Variants in IPO11 observed in about 807,000 individuals in gnomAD.
The protein encoded by IPO11 is importin 11, also known as importin-11.
Under a neutral mutation model 143.2 loss-of-function variants are expected in IPO11, and 66 were observed. The observed-to-expected ratio is 0.46, with a 90% confidence interval of 0.38 to 0.57. The LOEUF (loss-of-function observed/expected upper bound fraction) is 0.57. IPO11 is among the 20% of genes least tolerant of loss of function. The pLI, the probability that IPO11 is intolerant of heterozygous loss-of-function variation, is 0.00. For missense variants in IPO11, 1,026 were observed against 1,141.0 expected (o/e 0.90, Z 1.45); for synonymous variants, 385 against 377.8 (o/e 1.02, Z -0.22).
chr5:62,580,700 C>G (rs1196483988), intron 27 of IPO11: 1 of 1,551,418 alleles, frequency 6.4e-7, no homozygotes, highest in Non-Finnish European at 8.7e-7. Flanking sequence ...GTAAAATCTC[C>G]TCATATTCAT....
chr5:62,568,574 CAAA>C (rs66748975), intron 27 of IPO11, among the ~76,000 whole-genome samples: 3 of 51,896 alleles, frequency 5.8e-5, no homozygotes, highest in African/African-American at 1.8e-4. Flanking sequence ...ACTCTGTCTC[CAAA>C]AAAAAAAAAA....
intron 20 of IPO11, among the ~76,000 whole-genome samples, chr5:62,525,052 C>CTCT (rs1484091421): frequency 1.3e-5 from 2 of 152,178 alleles, no homozygotes; most frequent in African/African-American, 4.8e-5. Flanking sequence ...ATCGAAACTT[C>CTCT]TCTTCTTCTT....
intron 1 of IPO11, among the ~76,000 whole-genome samples, chr5:62,416,715 C>CTTTT (rs11295932): frequency 2.8e-5 from 4 of 144,136 alleles, no homozygotes; most frequent in Non-Finnish European, 4.5e-5. Flanking sequence ...CTCTTATTAT[C>CTTTT]TTTTTTTTTT....
intron 19 of IPO11, 143 bp downstream of exon 19, chr5:62,506,500 A>G (rs1161997425): frequency 5.7e-5 from 29 of 507,848 alleles, no homozygotes. Context: ...TCAGTTATGT[A>G]TTATTCAAAA....
At chr5:62,488,475 G>A (rs886322679) in intron 13 of IPO11, among the ~76,000 whole-genome samples, 6 of 152,312 alleles carry the variant, frequency 3.9e-5, no homozygotes, top group African/African-American at 1.4e-4. Context: ...AAGGAAAAGT[G>A]ATCAAAGATG....
rs1026177737 is a variant in IPO11, at chr5:62,530,915, G to A, written c.2089+130G>A. The A allele has an allele frequency of 8.9e-6, 6 of 670,874 alleles. No individual in the cohort carries two copies. In the African/African-American group the frequency reaches 1.1e-4, roughly 12 times the overall value. The allele number at this position is 670,874 out of a possible 1,614,324, so 41.6% of individuals were successfully genotyped here. A position where few individuals can be genotyped will look rare whatever the true frequency, so the allele number is the denominator to read the frequency against. ...TCTAGTTTAGATTCAGGGGATATATGTACACGTTTGTTACATGGATATATT... is the reference window on the plus strand; with the variant it reads ...TCTAGTTTAGATTCAGGGGATATATATACACGTTTGTTACATGGATATATT... On this transcript the variant is annotated intron_variant, in intron 22 of 29. Coordinates refer to ENST00000325324, the MANE Select transcript of IPO11 (RefSeq NM_016338.5).
chr5:62,527,501 T>G (rs954670209), intron 21 of IPO11, among the ~76,000 whole-genome samples: 12 of 152,208 alleles, frequency 7.9e-5, no homozygotes, highest in Non-Finnish European at 1.6e-4. Context: ...TAAGATAAAA[T>G]ATTAATTCCT....
intron 26 of IPO11, among the ~76,000 whole-genome samples, chr5:62,557,469 C>T (rs1483698353): frequency 6.6e-6 from 1 of 152,222 alleles, no homozygotes; most frequent in Non-Finnish European, 1.5e-5. Flanking sequence ...AGGCATGGGC[C>T]ACCATGCCTG....
At chr5:62,489,007 C>CA (rs1235622178) in intron 13 of IPO11, among the ~76,000 whole-genome samples, 2 of 151,658 alleles carry the variant, frequency 1.3e-5, no homozygotes, top group South Asian at 2.1e-4. Context: ...GACCTTGTCT[C>CA]AAAAAAAATA....
chr5:62,456,489 C>CA (rs1745161422), intron 5 of IPO11, among the ~76,000 whole-genome samples: 4 of 152,138 alleles, frequency 2.6e-5, no homozygotes, highest in Admixed American at 2.6e-4. Flanking sequence ...GTGTAACACA[C>CA]AAAAGTATAT....
intron 27 of IPO11, among the ~76,000 whole-genome samples, chr5:62,572,476 C>T (rs1744161436): frequency 6.6e-6 from 1 of 152,140 alleles, no homozygotes. Flanking sequence ...ATTCACAGGA[C>T]ACAATACCTT....
At chr5:62,526,445 G>T in intron 21 of IPO11, 188 bp downstream of exon 21, 1 of 420,888 alleles carries the variant, frequency 2.4e-6, no homozygotes, top group Non-Finnish European at 4.3e-6. Context: ...AGTAGACAAA[G>T]TTAAAGGGGG....
chr5:62,443,316 AGT>A lies in IPO11; in HGVS notation c.239+236_239+237del, dbSNP rs771406812. The A allele has an allele frequency of 3.5e-5, 14 of 397,302 alleles. No homozygotes were observed. In the East Asian group the frequency reaches 6.1e-4, roughly 17 times the overall value. The allele number at this position is 397,302 out of a possible 1,614,324, so 24.6% of individuals were successfully genotyped here. ...CAAAAAAAGTGTTTACTACTGAATA[AGT>A]GTTCTATTTAGGTAATGACAAATCA... On this transcript the variant is annotated intron_variant, in intron 3 of 29. Transcript: ENST00000325324.
At chr5:62,487,935 A>G in intron 13 of IPO11, 74 bp downstream of exon 13, 3 of 1,242,900 alleles carry the variant, frequency 2.4e-6, no homozygotes, top group Non-Finnish European at 3.5e-6. Flanking sequence ...GAGTGCCTAC[A>G]ATGCATACTG....
chr5:62,429,604 G>T (rs891518944), intron 1 of IPO11, among the ~76,000 whole-genome samples: 2 of 148,864 alleles, frequency 1.3e-5, no homozygotes, highest in African/African-American at 5.0e-5. Flanking sequence ...GTGTGTGTGT[G>T]TGTGTGTGTG....
At chr5:62,449,716 C>A (rs1744841600) in intron 3 of IPO11, 3 of 375,168 alleles carry the variant, frequency 8.0e-6, no homozygotes, top group East Asian at 8.5e-5. Context: ...TTTACCAGAA[C>A]CAATTAGGGA....
At chr5:62,496,440 T>A (rs26624) in intron 16 of IPO11, among the ~76,000 whole-genome samples, 105,262 of 152,112 alleles carry the variant, frequency 0.69, 36,812 homozygotes, top group African/African-American at 0.78. Flanking sequence ...TCACGTTTAC[T>A]TGTTTTGCAT....
chr5:62,605,739 A>G (rs959178129), intron 29 of IPO11, among the ~76,000 whole-genome samples: 10 of 150,168 alleles, frequency 6.7e-5, no homozygotes, highest in African/African-American at 2.4e-4. Flanking sequence ...TATTATTATT[A>G]TTTTATTTAC....
intron 16 of IPO11, among the ~76,000 whole-genome samples, chr5:62,500,520 C>T (rs868150015): frequency 2.2e-4 from 34 of 152,184 alleles, no homozygotes; most frequent in South Asian, 2.1e-4. Context: ...TATAAAGAGA[C>T]AGGGTCTTGC....
Sources: allele counts gnomAD v4.1 joint callset (sites outside exome capture counted in the v4.1 genomes callset), GRCh38; gene constraint gnomAD v4.1.1; transcripts MANE v1.5; gene names NCBI Gene and HGNC (gene_info 2026-07-23, HGNC 2026-07-21).